OR1J2: variants seen among roughly 807,000 people sequenced by gnomAD.
OR1J2 encodes the protein olfactory receptor 1J2.
For missense variants in OR1J2, 304 were observed against 246.1 expected (o/e 1.24, Z -1.57); for synonymous variants, 142 against 99.7 (o/e 1.42, Z -2.52).
chr9:122,530,053 A>G, the OR1J2 span, among the ~76,000 whole-genome samples: 11 of 152,372 alleles, frequency 7.2e-5, no homozygotes, highest in South Asian at 2.1e-4. Flanking sequence ...AGCAGAAGTC[A>G]GGTTGATAAA....
the OR1J2 span, chr9:122,477,608 A>G: frequency 3.7e-5 from 60 of 1,614,134 alleles, no homozygotes; most frequent in Middle Eastern, 1.6e-4. Flanking sequence ...AAGTCAGCAA[A>G]AAATATGAAA....
At chr9:122,540,187 G>T in the OR1J2 span, among the ~76,000 whole-genome samples, 1 of 151,174 alleles carries the variant, frequency 6.6e-6, no homozygotes, top group Admixed American at 6.6e-5. Context: ...TGAAGTCCTT[G>T]CCCATGCCTG....
the OR1J2 span, among the ~76,000 whole-genome samples, chr9:122,521,661 TA>T: frequency 6.6e-6 from 1 of 152,198 alleles, no homozygotes. Context: ...ATTGTTGGTT[TA>T]TTGTTGGTCT....
rs1319749168 is a variant in OR1J2 at position 122,510,949 on chromosome 9, C to T, written c.148C>T (p.Gln50Ter). 1 of 1,612,522 alleles carries T rather than the reference C, an allele frequency of 6.2e-7. No individual in the cohort carries two copies. Among genetic ancestry groups the T allele is most frequent in the Non-Finnish European group, 8.5e-7 (1 of 1,178,548 alleles). Residue 50 changes from glutamine to a stop codon, truncating the protein, a stop_gained, in exon 1 of 1, where the codon CAG (glutamine) becomes TAG (stop). Transcript: ENST00000335302. LOFTEE classifies it low-confidence loss of function (END_TRUNC). The stretch of plus-strand genomic sequence containing the variant: ...GAACCTGCTCATCATGCTGCTCATC[C>T]AGCTGGACTCTCACCTTCACACCCC... The part of the protein sequence containing the change: ...LGNLLIMLLI[Q>*]LDSHLHTPMY...
chr9:122,568,222 A>G, the OR1J2 span: 1 of 1,614,180 alleles, frequency 6.2e-7, no homozygotes, highest in South Asian at 1.1e-5. Context: ...TCTGACAGGA[A>G]GTTCATCAGC....
chr9:122,552,749 AGTGTGTGTGTGTGTGTGTGTGT>A, the OR1J2 span, among the ~76,000 whole-genome samples: 31,908 of 129,790 alleles, frequency 0.25, 3,665 homozygotes, highest in Middle Eastern at 0.35. Context: ...AGAGGGCTTG[AGTGTGTGTGTGTGTGTGTGTGT>A]GTGTGTGTGT....
At chr9:122,494,583 A>C in the OR1J2 span, among the ~76,000 whole-genome samples, 2 of 152,284 alleles carry the variant, frequency 1.3e-5, no homozygotes, top group East Asian at 3.9e-4. Context: ...CTTATGTGCA[A>C]GGCGAGTCTC....
At chr9:122,514,802 T>G (rs955418880), downstream of OR1J2, among the ~76,000 whole-genome samples, 1 of 152,132 alleles carries the variant, frequency 6.6e-6, no homozygotes, top group African/African-American at 2.4e-5. Flanking sequence ...TCCCCATCTC[T>G]TTTTGGACTT....
the OR1J2 span, among the ~76,000 whole-genome samples, chr9:122,501,432 G>A: frequency 1.3e-5 from 2 of 152,102 alleles, no homozygotes; most frequent in South Asian, 2.1e-4. Flanking sequence ...TGAGAATCAA[G>A]GCACAAAACC....
chr9:122,448,611 G>T, the OR1J2 span, among the ~76,000 whole-genome samples: 1 of 152,124 alleles, frequency 6.6e-6, no homozygotes, highest in Non-Finnish European at 1.5e-5. Context: ...GCTTTCCTGG[G>T]CAGAGGTCCC....
the OR1J2 span, chr9:122,519,144 A>C: frequency 6.3e-7 from 1 of 1,590,198 alleles, no homozygotes; most frequent in East Asian, 2.3e-5. Flanking sequence ...TGTCAGCATG[A>C]AGAGGGAGAA....
At chr9:122,516,775 G>A in the OR1J2 span, among the ~76,000 whole-genome samples, 1,428 of 152,266 alleles carry the variant, frequency 9.4e-3, 21 homozygotes, top group African/African-American at 0.033. Context: ...GGAGAAGGAG[G>A]GGGAGAAGTC....
the OR1J2 span, among the ~76,000 whole-genome samples, chr9:122,479,495 G>A: frequency 6.6e-6 from 1 of 152,232 alleles, no homozygotes; most frequent in East Asian, 1.9e-4. Context: ...TGACTGATGA[G>A]GCATTAAACA....
At chr9:122,503,234 C>T in the OR1J2 span, among the ~76,000 whole-genome samples, 1 of 152,088 alleles carries the variant, frequency 6.6e-6, no homozygotes, top group African/African-American at 2.4e-5. Flanking sequence ...AAGGAAAATC[C>T]AAAACAAGAG....
chr9:122,498,731 G>A, the OR1J2 span, among the ~76,000 whole-genome samples: 1 of 152,104 alleles, frequency 6.6e-6, no homozygotes, highest in African/African-American at 2.4e-5. Flanking sequence ...TCTTGCACTG[G>A]TTCCTTTTCA....
chr9:122,491,246 AGTT>A, the OR1J2 span, among the ~76,000 whole-genome samples: 3 of 152,148 alleles, frequency 2.0e-5, no homozygotes, highest in Non-Finnish European at 4.4e-5. Context: ...AGATTTGAGA[AGTT>A]GTATTGCATA....
the OR1J2 span, among the ~76,000 whole-genome samples, chr9:122,449,820 C>T: frequency 2.0e-5 from 3 of 152,080 alleles, no homozygotes; most frequent in African/African-American, 7.2e-5. Context: ...TATCATAGAT[C>T]GGGTATGCTG....
downstream of OR1J2, among the ~76,000 whole-genome samples, chr9:122,512,914 ATT>A (rs1391861792): frequency 2.6e-5 from 4 of 152,120 alleles, no homozygotes; most frequent in East Asian, 7.7e-4. Flanking sequence ...CTAACAACAT[ATT>A]TTCATATTTC....
the OR1J2 span, among the ~76,000 whole-genome samples, chr9:122,489,542 G>A: frequency 1.3e-4 from 20 of 152,234 alleles, no homozygotes; most frequent in Admixed American, 2.6e-4. Flanking sequence ...GCCCAGTGAC[G>A]AGGGCCCTTT....
Sources: allele counts gnomAD v4.1 joint callset (sites outside exome capture counted in the v4.1 genomes callset), GRCh38; gene constraint gnomAD v4.1.1; transcripts MANE v1.5; gene names NCBI Gene and HGNC (gene_info 2026-07-23, HGNC 2026-07-21).